The following DOCK7 variants were observed in gnomAD, a reference collection of about 807,000 sequenced individuals.
The protein encoded by DOCK7 is dedicator of cytokinesis 7.
A neutral mutation model predicts 271.0 loss-of-function variants in DOCK7; 138 were observed. The ratio of observed to expected loss-of-function variants is 0.51; its 90% CI spans 0.44 to 0.59. The LOEUF (loss-of-function observed/expected upper bound fraction) is 0.59, where lower values mean the gene tolerates loss of function less well. DOCK7 is among the 20% of genes least tolerant of loss of function. DOCK7 has a pLI of 0.00. For synonymous variants in DOCK7, 823 were observed against 876.1 expected, an observed-to-expected ratio of 0.94 and a Z score of 1.07; for missense variants, 2,066 against 2,592.4, an observed-to-expected ratio of 0.80 and a Z score of 4.41.
chr1:62,614,315 A>G (rs908921315), intron 14 of DOCK7, among the ~76,000 whole-genome samples: 17 of 152,080 alleles, frequency 1.1e-4, no homozygotes, highest in Admixed American at 4.6e-4. Flanking sequence ...AGGTTTCTAG[A>G]TATGCTTAAG....
intron 1 of DOCK7, among the ~76,000 whole-genome samples, chr1:62,675,372 A>G (rs1193382747): frequency 6.6e-6 from 1 of 152,206 alleles, no homozygotes; most frequent in African/African-American, 2.4e-5. Context: ...ACTGAACTAC[A>G]GCCTGGGTAA....
intron 46 of DOCK7, 154 bp downstream of exon 46, chr1:62,475,552 GA>G: frequency 9.3e-7 from 1 of 1,078,632 alleles, no homozygotes; most frequent in African/African-American, 1.6e-5. Flanking sequence ...TAGGGTCTTA[GA>G]AAAGAAGTAA....
At chr1:62,577,232 C>A (rs1646966156) in intron 18 of DOCK7, 30 bp downstream of exon 18, 1 of 1,342,948 alleles carries the variant, frequency 7.4e-7, no homozygotes. Flanking sequence ...TTCATTCAAT[C>A]TGGAGAAAGT....
chr1:62,499,841 C>T (rs1179601218), intron 37 of DOCK7, among the ~76,000 whole-genome samples: 2 of 151,846 alleles, frequency 1.3e-5, no homozygotes, highest in African/African-American at 2.4e-5. Flanking sequence ...GACTGCACCA[C>T]TGCACTCCAG....
At chr1:62,525,502 G>A (rs1041394730) in intron 31 of DOCK7, among the ~76,000 whole-genome samples, 1 of 152,042 alleles carries the variant, frequency 6.6e-6, no homozygotes, top group African/African-American at 2.4e-5. Context: ...TATGTTTTAT[G>A]TACTTTGTCA....
In DOCK7 at chr1:62,561,695, T is replaced by C. The variant is rs144867736; in HGVS notation, c.2121A>G (p.Leu707=). ...GATTATCTACCCATTTCATGCCAGG[T>C]AGAGGAACCTGTAAGATATTAAATA... ...AYSVLSPEVP[L]PGMKWVDNHK... The change falls in exon 19 of 50, where the codon CTA becomes CTG. Residue 707 remains leucine (L), a synonymous_variant. Coordinates refer to ENST00000635253, the MANE Select transcript of DOCK7 (RefSeq NM_001367561.1). 359 of 1,562,422 alleles carry C rather than the reference T, an allele frequency of 2.3e-4. 1 individual carries two copies. The highest frequency in any genetic ancestry group is 3.7e-4 in the Admixed American group (18 of 48,552).
chr1:62,496,250 G>T, intron 38 of DOCK7, 89 bp downstream of exon 38: 1 of 1,513,224 alleles, frequency 6.6e-7, no homozygotes. Context: ...TGATCCTCCA[G>T]CAAAAATCAA....
Position 62,558,974 on chromosome 1 carries a change from A to C in DOCK7, c.2431+15T>G, listed in dbSNP as rs753727016. The C allele has an allele frequency of 3.2e-5, 51 of 1,593,522 alleles. No homozygotes were observed. Among genetic ancestry groups the C allele is most frequent in the Non-Finnish European group, 2.7e-5 (32 of 1,165,414 alleles). On this transcript the variant is annotated intron_variant, in intron 20 of 49. Transcript: ENST00000635253. ...TATAAATTTCACGTCTCATCCCCAA[A>C]CAAAAGTAAATTACCTATTTGGCCA... is the stretch of plus-strand genomic sequence containing the variant.
At chr1:62,468,127 G>A (rs1250160718) in intron 48 of DOCK7, among the ~76,000 whole-genome samples, 3 of 152,090 alleles carry the variant, frequency 2.0e-5, no homozygotes, top group Admixed American at 6.5e-5. Context: ...TTGGGAGGCC[G>A]AGGTGGGCAG....
At chr1:62,524,102 G>T (rs979857773) in intron 31 of DOCK7, among the ~76,000 whole-genome samples, 3 of 152,052 alleles carry the variant, frequency 2.0e-5, no homozygotes, top group African/African-American at 7.3e-5. Context: ...GAATCCAAAT[G>T]GTCAATCATA....
At chr1:62,475,112 A>G (rs1294613720) in intron 47 of DOCK7, 96 bp downstream of exon 47, 2 of 1,362,538 alleles carry the variant, frequency 1.5e-6, no homozygotes, top group Non-Finnish European at 1.9e-6. Flanking sequence ...GAGAAGGCAG[A>G]TCCTTTTCAT....
At chr1:62,651,106 T>C (rs1488289076) in intron 4 of DOCK7, among the ~76,000 whole-genome samples, 1 of 151,886 alleles carries the variant, frequency 6.6e-6, no homozygotes, top group East Asian at 1.9e-4. Context: ...CATGGAATAC[T>C]ATGCAGCCAT....
At chr1:62,681,563 CAAA>C (rs1352950207) in intron 1 of DOCK7, among the ~76,000 whole-genome samples, 11 of 136,666 alleles carry the variant, frequency 8.0e-5, no homozygotes, top group African/African-American at 2.9e-4. Flanking sequence ...AATAAAAATA[CAAA>C]AAAAAAAAGA....
chr1:62,547,466 G>A (rs930570216), intron 22 of DOCK7, among the ~76,000 whole-genome samples: 2 of 152,060 alleles, frequency 1.3e-5, no homozygotes, highest in Non-Finnish European at 2.9e-5. Flanking sequence ...CTTACATATA[G>A]ATAAGATCCT....
intron 47 of DOCK7, 126 bp downstream of exon 47, chr1:62,475,082 G>T: frequency 9.4e-7 from 1 of 1,061,078 alleles, no homozygotes; most frequent in Non-Finnish European, 1.3e-6. Context: ...GATCGCATAG[G>T]TAGAAAAATA....
chr1:62,578,504 G>A (rs1194747640), intron 17 of DOCK7, among the ~76,000 whole-genome samples: 2 of 152,052 alleles, frequency 1.3e-5, no homozygotes, highest in African/African-American at 4.8e-5. Flanking sequence ...CAGATCACTT[G>A]AAGCCAAGAG....
chr1:62,612,775 T>C (rs1269990331), intron 14 of DOCK7, among the ~76,000 whole-genome samples: 4 of 152,214 alleles, frequency 2.6e-5, no homozygotes, highest in Non-Finnish European at 5.9e-5. Context: ...TTACCAGGTC[T>C]GAACCATTGT....
At chr1:62,595,407 G>A (rs978767918) in intron 14 of DOCK7, among the ~76,000 whole-genome samples, 1 of 152,214 alleles carries the variant, frequency 6.6e-6, no homozygotes, top group African/African-American at 2.4e-5. Flanking sequence ...ATTCTCACTG[G>A]AGAGATGAGA....
At chr1:62,677,054 T>C (rs549181646) in intron 1 of DOCK7, among the ~76,000 whole-genome samples, 3 of 152,350 alleles carry the variant, frequency 2.0e-5, no homozygotes, top group Admixed American at 6.5e-5. Flanking sequence ...ATTTAAGTAA[T>C]TATAGTCATG....
Sources: allele counts gnomAD v4.1 joint callset (sites outside exome capture counted in the v4.1 genomes callset), GRCh38; gene constraint gnomAD v4.1.1; transcripts MANE v1.5; gene names NCBI Gene and HGNC (gene_info 2026-07-23, HGNC 2026-07-21).